Variants in ATP2B2 observed in about 807,000 individuals in gnomAD.
ATP2B2 encodes the protein ATPase plasma membrane Ca2+ transporting 2.
A neutral mutation model predicts 120.0 loss-of-function variants in ATP2B2; 15 were observed. That is an observed-to-expected ratio of 0.12 (90% CI 0.08 to 0.19). The LOEUF (loss-of-function observed/expected upper bound fraction) is 0.19, where lower values mean the gene tolerates loss of function less well. ATP2B2 is among the 10% of genes least tolerant of loss of function. ATP2B2 has a pLI of 1.00. For missense variants in ATP2B2, 1,045 were observed against 1,719.8 expected (o/e 0.61, Z 6.94); for synonymous variants, 694 against 700.3 (o/e 0.99, Z 0.14).
rs1490048616 is a variant in ATP2B2 at position 10,402,945 on chromosome 3, C to T, written c.398-597G>A. ...TAAGTGAGGTATTTTTCTTTTTTTC[C>T]AGAACAAAGGCAGCCAATATTACAC... On this transcript the variant is annotated intron_variant, in intron 3 of 22. Transcript: ENST00000360273. This position sits in a 1 kb window ranked among gnomAD's most constrained non-coding sequence, Gnocchi z 4.9. Among the ~76,000 whole-genome samples the T allele has an allele frequency of 5.8e-4, 88 of 151,174 alleles. No individual in the cohort carries two copies. Among genetic ancestry groups the T allele is most frequent in the African/African-American group, 2.1e-3 (86 of 40,730 alleles).
chr3:10,553,715 G>C (rs1223396430), intron 2 of ATP2B2, among the ~76,000 whole-genome samples: 1 of 152,166 alleles, frequency 6.6e-6, no homozygotes, highest in Non-Finnish European at 1.5e-5. Context: ...GCTCGGAGTG[G>C]GTGGAGCTTG....
chr3:10,582,036 G>C (rs2068402417), intron 2 of ATP2B2, among the ~76,000 whole-genome samples: 3 of 152,266 alleles, frequency 2.0e-5, no homozygotes, highest in African/African-American at 7.2e-5. Flanking sequence ...CACTGAGGCA[G>C]AGAGGTGAGC....
At chr3:10,648,583 G>A (rs1025942928) in intron 1 of ATP2B2, among the ~76,000 whole-genome samples, 3 of 152,148 alleles carry the variant, frequency 2.0e-5, no homozygotes, top group Admixed American at 2.0e-4. Flanking sequence ...CAACTCAAAA[G>A]CCACTTATGC....
chr3:10,399,100 A>G (rs2062136943), intron 5 of ATP2B2, among the ~76,000 whole-genome samples: 1 of 151,908 alleles, frequency 6.6e-6, no homozygotes, highest in Non-Finnish European at 1.5e-5. Context: ...CTCTTCCCCA[A>G]ACTGTCTGAA....
intron 2 of ATP2B2, among the ~76,000 whole-genome samples, chr3:10,598,925 G>A (rs1449604935): frequency 6.6e-6 from 1 of 152,210 alleles, no homozygotes; most frequent in African/African-American, 2.4e-5. Context: ...CTAATAAGAC[G>A]TTTATTTTAT....
chr3:10,457,382 C>G (rs2064305730), intron 1 of ATP2B2, among the ~76,000 whole-genome samples: 1 of 152,006 alleles, frequency 6.6e-6, no homozygotes, highest in Non-Finnish European at 1.5e-5. Context: ...GGGGGCACAC[C>G]TGTGTCAGAA....
chr3:10,619,041 C>T (rs758209909), intron 2 of ATP2B2, among the ~76,000 whole-genome samples: 19 of 152,128 alleles, frequency 1.2e-4, no homozygotes, highest in Non-Finnish European at 2.5e-4. Context: ...GGAAGGAAGC[C>T]AGTTGCACAC....
At chr3:10,583,332 T>G (rs890168484) in intron 2 of ATP2B2, among the ~76,000 whole-genome samples, 2 of 152,180 alleles carry the variant, frequency 1.3e-5, no homozygotes, top group African/African-American at 4.8e-5. Flanking sequence ...ATGAACACAT[T>G]ATTTCTTTCA....
At chr3:10,553,282 T>A (rs2125516623) in intron 2 of ATP2B2, among the ~76,000 whole-genome samples, 1 of 152,378 alleles carries the variant, frequency 6.6e-6, no homozygotes. Flanking sequence ...TGGAAGCTCC[T>A]GAAAGCAGGG....
chr3:10,457,372 G>T (rs2064305059), intron 1 of ATP2B2, among the ~76,000 whole-genome samples: 1 of 152,112 alleles, frequency 6.6e-6, no homozygotes, highest in Admixed American at 6.5e-5. Flanking sequence ...GACAGGGTCT[G>T]GGGGCACACC....
At chr3:10,629,379 G>A (rs948992786) in intron 1 of ATP2B2, among the ~76,000 whole-genome samples, 4 of 151,806 alleles carry the variant, frequency 2.6e-5, no homozygotes, top group African/African-American at 9.7e-5. Context: ...CATTATCTGG[G>A]TAAATACATT....
intron 1 of ATP2B2, among the ~76,000 whole-genome samples, chr3:10,500,170 T>G (rs1285270756): frequency 2.0e-5 from 3 of 151,794 alleles, no homozygotes; most frequent in Non-Finnish European, 4.4e-5. Flanking sequence ...ACTCCTGACC[T>G]CAGGTGATCC....
chr3:10,620,317 A>T (rs1177239360), intron 1 of ATP2B2, among the ~76,000 whole-genome samples: 1 of 152,136 alleles, frequency 6.6e-6, no homozygotes, highest in Non-Finnish European at 1.5e-5. Flanking sequence ...CTGGAGGAAG[A>T]CGGCTGGGCT....
intron 2 of ATP2B2, among the ~76,000 whole-genome samples, chr3:10,420,187 TCAGA>T (rs1054401441): frequency 3.9e-5 from 6 of 152,184 alleles, no homozygotes; most frequent in African/African-American, 1.4e-4. Context: ...CTGTCAGAGG[TCAGA>T]CAGAGTGGGT....
At chr3:10,388,177 A>G (rs908972040) in intron 6 of ATP2B2, 100 bp downstream of exon 6, 23 of 1,571,394 alleles carry the variant, frequency 1.5e-5, no homozygotes, top group Non-Finnish European at 1.7e-5. Context: ...GTGCGGACGT[A>G]GAAGGCACTC....
At chr3:10,651,714 T>C (rs1323637780) in intron 1 of ATP2B2, among the ~76,000 whole-genome samples, 1 of 150,446 alleles carries the variant, frequency 6.6e-6, no homozygotes, top group South Asian at 2.1e-4. Flanking sequence ...AATGGATGGA[T>C]GGATGGATGG....
At chr3:10,610,996 T>C (rs2069221715) in intron 2 of ATP2B2, among the ~76,000 whole-genome samples, 1 of 152,210 alleles carries the variant, frequency 6.6e-6, no homozygotes, top group African/African-American at 2.4e-5. Flanking sequence ...GCAGGCAACC[T>C]GCAGCCTGAC....
intron 2 of ATP2B2, among the ~76,000 whole-genome samples, chr3:10,422,839 T>C (rs2063031362): frequency 6.6e-6 from 1 of 152,262 alleles, no homozygotes; most frequent in African/African-American, 2.4e-5. Flanking sequence ...GACACAAGTT[T>C]CCACTGATTT....
upstream of ATP2B2, among the ~76,000 whole-genome samples, chr3:10,507,490 C>T (rs775052728): frequency 9.2e-5 from 14 of 152,156 alleles, no homozygotes; most frequent in Non-Finnish European, 1.6e-4. Flanking sequence ...CCGTGTAAAG[C>T]TGTTCCGAGA....
Sources: allele counts gnomAD v4.1 joint callset (sites outside exome capture counted in the v4.1 genomes callset), GRCh38; gene constraint gnomAD v4.1.1; non-coding constraint Gnocchi (gnomAD v3.1); transcripts MANE v1.5; gene names NCBI Gene and HGNC (gene_info 2026-07-23, HGNC 2026-07-21).